Variants in ITGBL1 observed in about 807,000 individuals in gnomAD.
ITGBL1 encodes the protein integrin subunit beta like 1.
ITGBL1 carries 51 observed loss-of-function variants against 68.5 expected under a neutral mutation model. The observed-to-expected ratio is 0.74, with a 90% CI of 0.59 to 0.94. ITGBL1 has a LOEUF of 0.94. Ranked by LOEUF, ITGBL1 falls within the 40% of genes least tolerant of loss-of-function variation. ITGBL1 has a pLI of 0.00. For synonymous variants in ITGBL1, 209 were observed against 227.3 expected, an observed-to-expected ratio of 0.92 and a Z score of 0.72; for missense variants, 649 against 647.4, an observed-to-expected ratio of 1.00 and a Z score of -0.03.
intron 2 of ITGBL1, among the ~76,000 whole-genome samples, chr13:101,546,773 C>T (rs192327131): frequency 1.3e-5 from 2 of 151,964 alleles, no homozygotes; most frequent in East Asian, 3.9e-4. Context: ...CTCAATTTCC[C>T]AGAAATATTT....
At chr13:101,509,498 A>G (rs1305321768) in intron 2 of ITGBL1, among the ~76,000 whole-genome samples, 1 of 152,098 alleles carries the variant, frequency 6.6e-6, no homozygotes, top group Non-Finnish European at 1.5e-5. Context: ...TTAATATTCT[A>G]CCCAGGTTCT....
At chr13:101,671,426 G>GTTTTTTTTTTTTTTTTTTTTT (rs66501713) in intron 7 of ITGBL1, among the ~76,000 whole-genome samples, 4 of 112,610 alleles carry the variant, frequency 3.6e-5, no homozygotes, top group African/African-American at 6.2e-5. Flanking sequence ...GTATACCTTT[G>GTTTTTTTTTTTTTTTTTTTTT]TTTTTTTTTT....
intron 7 of ITGBL1, among the ~76,000 whole-genome samples, chr13:101,691,192 G>C (rs184195024): frequency 6.6e-6 from 1 of 152,148 alleles, no homozygotes. Flanking sequence ...TATAGGAAGA[G>C]GGAATATCGT....
intron 7 of ITGBL1, among the ~76,000 whole-genome samples, chr13:101,668,631 T>C (rs2033281929): frequency 6.6e-6 from 1 of 152,104 alleles, no homozygotes; most frequent in South Asian, 2.1e-4. Context: ...TTGTCTAATA[T>C]CTCAGTTTTC....
At chr13:101,704,905 T>G (rs2034221298) in intron 8 of ITGBL1, among the ~76,000 whole-genome samples, 1 of 152,208 alleles carries the variant, frequency 6.6e-6, no homozygotes, top group African/African-American at 2.4e-5. Flanking sequence ...AAGACCACAA[T>G]TACCTCATTT....
intron 7 of ITGBL1, among the ~76,000 whole-genome samples, chr13:101,678,241 G>A (rs930325882): frequency 6.6e-6 from 1 of 152,106 alleles, no homozygotes; most frequent in Non-Finnish European, 1.5e-5. Flanking sequence ...TAATGTCTGC[G>A]ACTTGGGGAA....
rs189422578 is a variant in ITGBL1 at position 101,653,530 on chromosome 13, T to C, written c.1016-39055T>C. 3.3e-5 allele frequency among the ~76,000 whole-genome samples: 5 copies of C among 152,310 alleles called. No individual in the cohort carries two copies. The East Asian group carries it at 9.6e-4, about 29-fold the overall frequency. On this transcript the variant is annotated intron_variant, in intron 7 of 10. Transcript: ENST00000376180. Reference sequence around the variant, plus strand: ...ATGTTAGGTACATATGTGAATTACATTGGTGTTCAAAATAGAATCTTTGAC... The same window carrying C: ...ATGTTAGGTACATATGTGAATTACACTGGTGTTCAAAATAGAATCTTTGAC...
intron 7 of ITGBL1, among the ~76,000 whole-genome samples, chr13:101,603,095 G>T (rs1373258021): frequency 2.0e-5 from 3 of 151,960 alleles, no homozygotes; most frequent in Non-Finnish European, 2.9e-5. Flanking sequence ...GTCTGTATCT[G>T]TGAGTGGAAT....
At chr13:101,500,496 C>T (rs2139083722) in intron 2 of ITGBL1, among the ~76,000 whole-genome samples, 1 of 152,290 alleles carries the variant, frequency 6.6e-6, no homozygotes, top group Non-Finnish European at 1.5e-5. Flanking sequence ...CCAACTGCTA[C>T]AAAATTCTTC....
intron 7 of ITGBL1, among the ~76,000 whole-genome samples, chr13:101,691,109 C>A (rs535187991): frequency 1.3e-5 from 2 of 152,116 alleles, no homozygotes; most frequent in African/African-American, 2.4e-5. Context: ...AGACGTTGTG[C>A]CTTTGCTTTC....
At position 101,469,060 on chromosome 13, in the gene ITGBL1, C is replaced by T. The variant is rs138406397; in HGVS notation, c.316+14960C>T. On this transcript the variant is annotated intron_variant, in intron 2 of 10. Transcript: ENST00000376180. Reference sequence around the variant, plus strand: ...TGTGTATTACATATTTTGGCTATTACGAATAAGTCACATCAGAGATTCTCT... The same window carrying T: ...TGTGTATTACATATTTTGGCTATTATGAATAAGTCACATCAGAGATTCTCT... Among the ~76,000 whole-genome samples the T allele has an allele frequency of 1.5e-3, 231 of 152,248 alleles. 1 individual carries two copies. Among genetic ancestry groups the T allele is most frequent in the African/African-American group, 5.1e-3 (210 of 41,552 alleles).
chr13:101,631,923 C>T (rs1269444539), intron 7 of ITGBL1, among the ~76,000 whole-genome samples: 1 of 151,618 alleles, frequency 6.6e-6, no homozygotes, highest in African/African-American at 2.4e-5. Context: ...TATATACAAC[C>T]GAATGTAAAA....
intron 2 of ITGBL1, among the ~76,000 whole-genome samples, chr13:101,504,660 A>G (rs538688918): frequency 1.3e-5 from 2 of 152,344 alleles, no homozygotes; most frequent in East Asian, 3.9e-4. Context: ...TAGTGAAGTC[A>G]GAAACGTTGC....
At chr13:101,650,525 G>A (rs1292541736) in intron 7 of ITGBL1, among the ~76,000 whole-genome samples, 2 of 151,608 alleles carry the variant, frequency 1.3e-5, no homozygotes, top group Non-Finnish European at 2.9e-5. Context: ...TAAAAAGTAA[G>A]TATCACCAGT....
chr13:101,639,618 T>A (rs2032295369), intron 7 of ITGBL1, among the ~76,000 whole-genome samples: 1 of 152,230 alleles, frequency 6.6e-6, no homozygotes, highest in South Asian at 2.1e-4. Flanking sequence ...TAGGTATAAG[T>A]AGGACCTGTC....
At chr13:101,554,327 C>T (rs1482453539) in intron 2 of ITGBL1, among the ~76,000 whole-genome samples, 1 of 152,092 alleles carries the variant, frequency 6.6e-6, no homozygotes, top group African/African-American at 2.4e-5. Flanking sequence ...GTGGATTTTC[C>T]CTGGAGTCAA....
chr13:101,613,068 T>G (rs928739515), intron 7 of ITGBL1, among the ~76,000 whole-genome samples: 1 of 152,270 alleles, frequency 6.6e-6, no homozygotes, highest in East Asian at 1.9e-4. Context: ...GAGTTTTGTA[T>G]TTTTAAAAAA....
At chr13:101,659,804 A>G (rs1449706907) in intron 7 of ITGBL1, among the ~76,000 whole-genome samples, 2 of 152,158 alleles carry the variant, frequency 1.3e-5, no homozygotes, top group Non-Finnish European at 2.9e-5. Flanking sequence ...TTCATATGTA[A>G]GTATATGTGT....
chr13:101,601,999 G>A (rs552645199), intron 7 of ITGBL1, among the ~76,000 whole-genome samples: 1 of 152,086 alleles, frequency 6.6e-6, no homozygotes, highest in South Asian at 2.1e-4. Flanking sequence ...AGTACATGGA[G>A]AAATATGATT....
Sources: gnomAD v4.1 joint callset for allele counts (sites outside exome capture counted in the v4.1 genomes callset) on GRCh38, gnomAD v4.1.1 for gene constraint, MANE v1.5 for transcripts, NCBI Gene and HGNC (gene_info 2026-07-23, HGNC 2026-07-21) for gene names.